The following DAB1 variants were observed in gnomAD, a reference collection of about 807,000 sequenced individuals.
DAB1 encodes the protein DAB adaptor protein 1, also known as disabled homolog 1.
Under a neutral mutation model 64.6 loss-of-function variants are expected in DAB1, and 15 were observed. The ratio of observed to expected loss-of-function variants is 0.23; its 90% CI spans 0.16 to 0.36. The LOEUF (loss-of-function observed/expected upper bound fraction) is 0.36. Among genes scored for constraint, DAB1 ranks in the 10% least tolerant of loss-of-function variants. DAB1 has a pLI of 1.00. For missense variants in DAB1, 596 were observed against 706.7 expected, an observed-to-expected ratio of 0.84 and a Z score of 1.78; for synonymous variants, 235 against 251.9, an observed-to-expected ratio of 0.93 and a Z score of 0.64.
intron 12 of DAB1, among the ~76,000 whole-genome samples, chr1:57,014,349 G>A (rs975910883): frequency 3.9e-5 from 6 of 152,298 alleles, no homozygotes; most frequent in South Asian, 2.1e-4. Context: ...TTATGGCTGC[G>A]TATCTCTGCC....
intron 4 of DAB1, among the ~76,000 whole-genome samples, chr1:58,265,870 A>G (rs1319181889): frequency 6.6e-6 from 1 of 152,248 alleles, no homozygotes; most frequent in Admixed American, 6.5e-5. Flanking sequence ...TGATTTCCTC[A>G]TAAATGACTC....
At chr1:57,323,178 T>A (rs1220506999) in intron 1 of DAB1, among the ~76,000 whole-genome samples, 4 of 152,150 alleles carry the variant, frequency 2.6e-5, no homozygotes. Flanking sequence ...CTTTCCTTCC[T>A]GTATGTTGCC....
At chr1:58,529,971 C>T (rs1411327915) in intron 1 of DAB1, among the ~76,000 whole-genome samples, 1 of 152,060 alleles carries the variant, frequency 6.6e-6, no homozygotes, top group Admixed American at 6.5e-5. Context: ...AGCTCTGCCT[C>T]CTGGGTTCAC....
chr1:57,005,202 A>G (rs1271938661), intron 14 of DAB1, among the ~76,000 whole-genome samples: 1 of 152,138 alleles, frequency 6.6e-6, no homozygotes, highest in Non-Finnish European at 1.5e-5. Flanking sequence ...GCATGTTCTG[A>G]AGAACATTCT....
chr1:57,009,846 A>G (rs1278428117), intron 14 of DAB1, among the ~76,000 whole-genome samples: 1 of 152,218 alleles, frequency 6.6e-6, no homozygotes, highest in Non-Finnish European at 1.5e-5. Flanking sequence ...TCAAGTGCCA[A>G]AAGCCACTTC....
intron 3 of DAB1, among the ~76,000 whole-genome samples, chr1:58,375,868 T>C (rs796782986): frequency 0.026 from 3,572 of 139,708 alleles, 77 homozygotes; most frequent in Middle Eastern, 0.046. Flanking sequence ...GCTCCTGTTA[T>C]TGGTCTATTC....
At chr1:57,993,678 T>A (rs1187848355) in intron 5 of DAB1, among the ~76,000 whole-genome samples, 1 of 152,116 alleles carries the variant, frequency 6.6e-6, no homozygotes, top group Non-Finnish European at 1.5e-5. Context: ...GTTACAGAGT[T>A]TGGGGGAGTA....
chr1:58,163,274 C>T (rs75098967), intron 4 of DAB1, among the ~76,000 whole-genome samples: 1,750 of 152,246 alleles, frequency 0.011, 36 homozygotes, highest in African/African-American at 0.04. Context: ...GTAACTGGCA[C>T]AAACATTGCA....
intron 2 of DAB1, among the ~76,000 whole-genome samples, chr1:57,187,849 G>T (rs1481413840): frequency 6.6e-6 from 1 of 151,992 alleles, no homozygotes; most frequent in East Asian, 1.9e-4. Flanking sequence ...GAGAGAGAGA[G>T]AGACTCCCAC....
chr1:57,622,355 T>C (rs1645870189), intron 7 of DAB1, among the ~76,000 whole-genome samples: 2 of 152,164 alleles, frequency 1.3e-5, no homozygotes, highest in Admixed American at 1.3e-4. Context: ...TAGACTAGGG[T>C]GGCAGAGCTG....
intron 5 of DAB1, among the ~76,000 whole-genome samples, chr1:57,996,227 C>T (rs1002366339): frequency 6.6e-6 from 1 of 152,058 alleles, no homozygotes; most frequent in African/African-American, 2.4e-5. Flanking sequence ...CCATTGGACT[C>T]CAGCCTGGGC....
chr1:58,295,884 G>A (rs993877868), intron 4 of DAB1, among the ~76,000 whole-genome samples: 8 of 151,672 alleles, frequency 5.3e-5, no homozygotes, highest in African/African-American at 9.7e-5. Context: ...TGAGGTCAGG[G>A]GGTCGAGACC....
chr1:58,067,081 C>G (rs911757157), intron 5 of DAB1, among the ~76,000 whole-genome samples: 1 of 152,198 alleles, frequency 6.6e-6, no homozygotes, highest in Admixed American at 6.5e-5. Context: ...TCCTCTCATT[C>G]CACAAGCATC....
chr1:58,250,107 T>C (rs576103), intron 4 of DAB1, among the ~76,000 whole-genome samples: 103,673 of 152,038 alleles, frequency 0.68, 36,519 homozygotes, highest in African/African-American at 0.84. Context: ...GCGGGCACAG[T>C]GTTGCAGACC....
At chr1:57,983,498 C>T (rs1256504995) in intron 5 of DAB1, among the ~76,000 whole-genome samples, 1 of 152,140 alleles carries the variant, frequency 6.6e-6, no homozygotes, top group African/African-American at 2.4e-5. Flanking sequence ...GAACTGCCTG[C>T]AAAAGGACCC....
chr1:57,915,822 C>T (rs1178769305), intron 5 of DAB1, among the ~76,000 whole-genome samples: 4 of 152,134 alleles, frequency 2.6e-5, no homozygotes, highest in South Asian at 2.1e-4. Context: ...GAAAGAGGGA[C>T]GATCACAGTA....
At chr1:58,190,612 TA>T (rs1262118098) in intron 4 of DAB1, among the ~76,000 whole-genome samples, 1 of 152,052 alleles carries the variant, frequency 6.6e-6, no homozygotes. Context: ...AATATCAGGT[TA>T]AAAAAATAAA....
rs569213342 is a variant in DAB1 at position 57,917,513 on chromosome 1, G to A, written n.388-33351C>T. Among the ~76,000 whole-genome samples the A allele has an allele frequency of 3.4e-4, 52 of 152,278 alleles. 2 individuals are homozygous for A. The South Asian group carries it at 7.9e-3, about 23-fold the overall frequency. On this transcript the variant is annotated intron_variant and non_coding_transcript_variant, in intron 5 of 20. Transcript: ENST00000485760. ...CAGAATCATATCTTCCTTTGAACTC[G>A]AACAGTATGTTGTACTAATATTTCT...
chr1:57,096,358 T>C (rs1462282751), intron 4 of DAB1, among the ~76,000 whole-genome samples: 1 of 152,102 alleles, frequency 6.6e-6, no homozygotes, highest in African/African-American at 2.4e-5. Context: ...AAATAAAAAC[T>C]CACGAGTCCA....
Sources: allele counts gnomAD v4.1 joint callset (sites outside exome capture counted in the v4.1 genomes callset), GRCh38; gene constraint gnomAD v4.1.1; transcripts MANE v1.5; gene names NCBI Gene and HGNC (gene_info 2026-07-23, HGNC 2026-07-21).